Variants in DIP2C observed in about 807,000 individuals in gnomAD.
The protein encoded by DIP2C is disco-interacting protein 2 homolog C.
A neutral mutation model predicts 192.4 loss-of-function variants in DIP2C; 33 were observed. The observed-to-expected ratio is 0.17, with a 90% CI of 0.13 to 0.23. The LOEUF (loss-of-function observed/expected upper bound fraction) is 0.23. Among genes scored for constraint, DIP2C ranks in the 10% least tolerant of loss-of-function variants. The probability of loss-of-function intolerance (pLI) is 1.00; values close to 1 mark genes in which losing one functional copy is unlikely to be tolerated. For missense variants in DIP2C, 1,537 were observed against 2,110.1 expected (o/e 0.73, Z 5.32); for synonymous variants, 979 against 864.1 (o/e 1.13, Z -2.33).
At chr10:409,065 A>T (rs1489530666) in intron 8 of DIP2C, 48 bp from the exon 9 acceptor site, 1 of 1,589,444 alleles carries the variant, frequency 6.3e-7, no homozygotes, top group Admixed American at 1.7e-5. Context: ...CCATACGGAG[A>T]GCACAGCTTC....
intron 36 of DIP2C, among the ~76,000 whole-genome samples, chr10:278,739 G>A (rs751906972): frequency 2.0e-5 from 3 of 152,256 alleles, no homozygotes; most frequent in African/African-American, 7.2e-5. Context: ...AGAGGATTAA[G>A]TCTGCCCAAC....
At chr10:434,094 A>G (rs2133230870) in intron 4 of DIP2C, among the ~76,000 whole-genome samples, 1 of 152,282 alleles carries the variant, frequency 6.6e-6, no homozygotes, top group African/African-American at 2.4e-5. Flanking sequence ...AAATAATCCT[A>G]AATCCTAATT....
chr10:671,942 GAC>G (rs1830666464), intron 1 of DIP2C, among the ~76,000 whole-genome samples: 3 of 140,452 alleles, frequency 2.1e-5, no homozygotes, highest in Non-Finnish European at 4.6e-5. Flanking sequence ...ACAGGCCACA[GAC>G]ACACGGAAGG....
intron 1 of DIP2C, among the ~76,000 whole-genome samples, chr10:620,321 A>G (rs1361549747): frequency 6.6e-6 from 1 of 152,172 alleles, no homozygotes; most frequent in Non-Finnish European, 1.5e-5. Context: ...GCGCCTTATC[A>G]TTAAACGTTT....
intron 1 of DIP2C, among the ~76,000 whole-genome samples, chr10:616,331 G>A (rs754444363): frequency 6.6e-6 from 1 of 152,152 alleles, no homozygotes; most frequent in Non-Finnish European, 1.5e-5. Context: ...TGTGTTTATT[G>A]TCCATAGGAC....
chr10:387,685 A>G (rs1963085132), intron 14 of DIP2C, 60 bp downstream of exon 14: 1 of 1,466,964 alleles, frequency 6.8e-7, no homozygotes, highest in Non-Finnish European at 9.4e-7. Context: ...CTGTGTGGAC[A>G]GGCAGGGCAG....
chr10:621,158 C>A (rs937255494), intron 1 of DIP2C, among the ~76,000 whole-genome samples: 1 of 152,138 alleles, frequency 6.6e-6, no homozygotes, highest in African/African-American at 2.4e-5. Context: ...CAGGGCCGCC[C>A]GACGCAACGG....
At position 521,417 on chromosome 10, in the gene DIP2C, C is replaced by T. The variant is rs56296464; in HGVS notation, c.86-34887G>A. On this transcript the variant is annotated intron_variant, in intron 1 of 36. Coordinates refer to ENST00000280886, the MANE Select transcript of DIP2C (RefSeq NM_014974.3). ...AGGAAAACTCGTCAAAAAATCATCC[C>T]TGGCCACATGCTCATCCCTGCCTGC... Among the ~76,000 whole-genome samples the T allele has an allele frequency of 6.3e-3, 961 of 152,302 alleles. 12 individuals carry two copies. Among genetic ancestry groups the T allele is most frequent in the African/African-American group, 0.022 (911 of 41,574 alleles).
intron 1 of DIP2C, among the ~76,000 whole-genome samples, chr10:513,375 C>T (rs10904391): frequency 0.94 from 143,547 of 152,318 alleles, 68,222 homozygotes; most frequent in Non-Finnish European, 1. Context: ...AATTGTTTGT[C>T]GCGTGTTTCC....
At chr10:662,211 C>T in intron 1 of DIP2C, 2 of 675,048 alleles carry the variant, frequency 3.0e-6, no homozygotes, top group South Asian at 1.7e-5. Flanking sequence ...ACAGGCCTCA[C>T]ACCTGCTCTC....
At chr10:331,031 G>A (rs1377734643) in intron 29 of DIP2C, among the ~76,000 whole-genome samples, 1 of 146,642 alleles carries the variant, frequency 6.8e-6, no homozygotes, top group Non-Finnish European at 1.5e-5. Context: ...GCCCAGGCTG[G>A]TCTCAAACTC....
Position 349,427 on chromosome 10 carries a change from C to T in DIP2C, c.3013G>A (p.Val1005Met), listed in dbSNP as rs768055346. The stretch of plus-strand genomic sequence containing the variant: ...TTCTCAGCTCTCTTGTGCAGCTGCA[C>T]GCAGGTCAGCGAGTTCGCTATCGCA... Reference protein sequence around the residue: ...RGAIANSLTCVQLHKRAEKIA... With the variant: ...RGAIANSLTCMQLHKRAEKIA... The change falls in exon 25 of 37, where the codon GTG (valine) becomes ATG (methionine). Residue 1005 changes from valine to methionine, a missense_variant. Coordinates refer to ENST00000280886, the MANE Select transcript of DIP2C (RefSeq NM_014974.3). 41 of 1,609,312 alleles carry T rather than the reference C, an allele frequency of 2.5e-5. No homozygotes were observed. In the East Asian group the frequency reaches 4.5e-4, roughly 17 times the overall value.
At chr10:358,386 C>T (rs1186018895) in intron 22 of DIP2C, among the ~76,000 whole-genome samples, 4 of 150,222 alleles carry the variant, frequency 2.7e-5, no homozygotes, top group Non-Finnish European at 5.9e-5. Context: ...GTGGACATTT[C>T]ACATACAGAT....
rs1855965075 is a variant in DIP2C at position 652,189 on chromosome 10, A to G, written c.85+37305T>C. On this transcript the variant is annotated intron_variant, in intron 1 of 36. Transcript: ENST00000280886. This position sits in a 1 kb window ranked among gnomAD's most constrained non-coding sequence, Gnocchi z 4.5. ...ACAGAATGAGCAAAATTCAAAAACT[A>G]AAGCAGCGTTTTTCCTGCAAGTGGG... 1 of 167,466 alleles carries G rather than the reference A, an allele frequency of 6.0e-6. No homozygotes were observed. Among genetic ancestry groups the G allele is most frequent in the Non-Finnish European group, 1.3e-5 (1 of 76,392 alleles). 10.4% of individuals were successfully genotyped at this position (167,466 alleles called of 1,614,324 possible).
At chr10:417,707 C>T (rs1173750943) in intron 6 of DIP2C, among the ~76,000 whole-genome samples, 5 of 83,598 alleles carry the variant, frequency 6.0e-5, no homozygotes, top group African/African-American at 9.4e-5. Flanking sequence ...TGCCTGTCGG[C>T]TCAAATAGGC....
intron 35 of DIP2C, among the ~76,000 whole-genome samples, chr10:282,547 T>C (rs926154935): frequency 2.0e-5 from 3 of 152,238 alleles, no homozygotes; most frequent in Non-Finnish European, 4.4e-5. Context: ...GCCACTGTTG[T>C]GAAACAGCCA....
At chr10:383,904 G>A (rs1962612189) in intron 16 of DIP2C, 123 bp downstream of exon 16, 1 of 1,295,214 alleles carries the variant, frequency 7.7e-7, no homozygotes, top group African/African-American at 1.6e-5. Context: ...AAAAATCAAA[G>A]TGCAAAGAAT....
At chr10:321,374 C>G (rs1374512990) in intron 31 of DIP2C, among the ~76,000 whole-genome samples, 2 of 152,246 alleles carry the variant, frequency 1.3e-5, no homozygotes, top group Non-Finnish European at 2.9e-5. Context: ...CCGTGATGCC[C>G]TTGACACATC....
chr10:365,863 A>G (rs1427491320), intron 19 of DIP2C, among the ~76,000 whole-genome samples: 1 of 152,184 alleles, frequency 6.6e-6, no homozygotes, highest in Non-Finnish European at 1.5e-5. Context: ...AGGAGCCGTA[A>G]AGGGGCTCTA....
Sources: gnomAD v4.1 joint callset for allele counts (sites outside exome capture counted in the v4.1 genomes callset) on GRCh38, gnomAD v4.1.1 for gene constraint, Gnocchi (gnomAD v3.1) non-coding constraint, MANE v1.5 for transcripts, NCBI Gene and HGNC (gene_info 2026-07-23, HGNC 2026-07-21) for gene names.